The following TBC1D14 variants were observed in gnomAD, a reference collection of about 807,000 sequenced individuals.
TBC1D14 encodes the protein TBC1 domain family member 14.
In TBC1D14, 26 loss-of-function variants were observed where a neutral mutation model predicts 79.0. That is an observed-to-expected ratio of 0.33 (90% CI 0.24 to 0.46). The LOEUF is 0.46. Ranked by LOEUF, TBC1D14 falls within the 20% of genes least tolerant of loss-of-function variation. The pLI is 1.00. For synonymous variants in TBC1D14, 394 were observed against 349.9 expected (o/e 1.13, Z -1.40); for missense variants, 769 against 887.6 (o/e 0.87, Z 1.70).
At chr4:7,020,311 C>A (rs928351072) in intron 12 of TBC1D14, among the ~76,000 whole-genome samples, 2 of 152,234 alleles carry the variant, frequency 1.3e-5, no homozygotes, top group Admixed American at 1.3e-4. Flanking sequence ...CCATCTCCAA[C>A]TTTTAACAAA....
At chr4:6,950,395 C>G (rs929977194) in intron 2 of TBC1D14, among the ~76,000 whole-genome samples, 3 of 152,128 alleles carry the variant, frequency 2.0e-5, no homozygotes, top group African/African-American at 7.2e-5. Flanking sequence ...ACTCTTACAC[C>G]TTTCATTTTG....
Position 6,923,773 on chromosome 4 carries a change from C to A in TBC1D14, c.384C>A (p.Ser128=). 6.2e-7 allele frequency: 1 copy of A among 1,614,098 alleles called. No individual in the cohort carries two copies. The highest frequency in any genetic ancestry group is 8.5e-7 in the Non-Finnish European group (1 of 1,180,046). ...GGGAACAGAGCGTGCGCAAATCCTC[C>A]ACGTTTCCCAGGACAGGCTATGACT... ...TEREQSVRKS[S]TFPRTGYDSV... The change falls in exon 2 of 14, where the codon TCC becomes TCA. Residue 128 remains serine, a synonymous_variant. Transcript: ENST00000409757.
Position 6,954,575 on chromosome 4 carries a change from C to T in TBC1D14, c.723-12729C>T, listed in dbSNP as rs538751957. On this transcript the variant is annotated intron_variant, in intron 2 of 13. Transcript: ENST00000409757. ...GCTTATGTGTATCTCATGCCCACTG[C>T]ACTTCCTTGACTTGGATATTCTGTT... Among the ~76,000 whole-genome samples, 6 of 149,652 alleles carry T rather than the reference C, an allele frequency of 4.0e-5. No homozygotes were observed. The South Asian group carries it at 8.5e-4, about 21-fold the overall frequency.
chr4:6,943,034 T>C (rs1713062260), intron 2 of TBC1D14, among the ~76,000 whole-genome samples: 1 of 152,188 alleles, frequency 6.6e-6, no homozygotes, highest in Non-Finnish European at 1.5e-5. Flanking sequence ...CGGAGGTTGA[T>C]TTCCAGGCCA....
chr4:6,934,799 C>T (rs767943160), intron 2 of TBC1D14, among the ~76,000 whole-genome samples: 2 of 152,082 alleles, frequency 1.3e-5, no homozygotes, highest in African/African-American at 2.4e-5. Context: ...AGAATGGGGC[C>T]GGCATGGTGG....
At chr4:7,016,468 G>A (rs11732301) in intron 12 of TBC1D14, among the ~76,000 whole-genome samples, 50,857 of 152,144 alleles carry the variant, frequency 0.33, 8,839 homozygotes, top group African/African-American at 0.41. Flanking sequence ...GCTGGAGGAC[G>A]GGAGGGGATC....
chr4:6,958,081 A>G (rs1443117373), intron 2 of TBC1D14, among the ~76,000 whole-genome samples: 2 of 151,892 alleles, frequency 1.3e-5, no homozygotes, highest in African/African-American at 4.8e-5. Flanking sequence ...TCCTGCTCCC[A>G]GGTTCTCAGC....
intron 2 of TBC1D14, among the ~76,000 whole-genome samples, chr4:6,961,993 G>T (rs1484549589): frequency 6.6e-6 from 1 of 152,216 alleles, no homozygotes; most frequent in Non-Finnish European, 1.5e-5. Context: ...CTGGCCTCCT[G>T]ACTGCAGAGG....
At chr4:6,954,440 C>T in intron 2 of TBC1D14, 1 of 713,664 alleles carries the variant, frequency 1.4e-6, no homozygotes, top group Non-Finnish European at 2.6e-6. Context: ...GACCGTCGGC[C>T]TTGGTTGGGC....
intron 3 of TBC1D14, among the ~76,000 whole-genome samples, chr4:6,978,168 C>T (rs1314482496): frequency 2.6e-5 from 4 of 151,130 alleles, no homozygotes; most frequent in African/African-American, 4.9e-5. Flanking sequence ...AGGTGAGGGG[C>T]GCCTCTGCCC....
chr4:6,923,320 G>A, intron 1 of TBC1D14, 53 bp from the exon 2 acceptor site: 1 of 1,529,964 alleles, frequency 6.5e-7, no homozygotes, highest in Non-Finnish European at 8.8e-7. Context: ...TCAGAGGTGT[G>A]GCATCTTTGA....
chr4:6,918,801 C>T (rs1181925032), intron 1 of TBC1D14, among the ~76,000 whole-genome samples: 1 of 152,190 alleles, frequency 6.6e-6, no homozygotes, highest in Non-Finnish European at 1.5e-5. Flanking sequence ...TAGCTCTTAA[C>T]TGTGTGCTAA....
intron 13 of TBC1D14, among the ~76,000 whole-genome samples, chr4:7,027,233 T>C (rs1033184038): frequency 1.3e-5 from 2 of 151,544 alleles, no homozygotes; most frequent in African/African-American, 2.4e-5. Flanking sequence ...AAAAAGCAGG[T>C]CATTTGTCCT....
At chr4:6,987,696 G>T in intron 3 of TBC1D14, 1 of 300,664 alleles carries the variant, frequency 3.3e-6, no homozygotes, top group Non-Finnish European at 6.1e-6. Context: ...AGGCCCAGCA[G>T]CCCCCTTAGA....
rs1560244097 is a variant in TBC1D14, at chr4:6,922,066, T to TTTG, written c.-17-1305_-17-1304insGTT. On this transcript the variant is annotated intron_variant, in intron 1 of 13. Coordinates refer to ENST00000409757, the MANE Select transcript of TBC1D14 (RefSeq NM_020773.3). ...ATGGATTTTGTTTGTTTGTTTGTTT[T>TTTG]TTTAGAGATAGTGTCTTTCTCTGTT... Among the ~76,000 whole-genome samples, 12 of 151,936 alleles carry TTTG rather than the reference T, an allele frequency of 7.9e-5. No individual in the cohort carries two copies. In the South Asian group the frequency reaches 1.0e-3, roughly 13 times the overall value.
chr4:6,946,149 T>G (rs1560269663), intron 2 of TBC1D14, among the ~76,000 whole-genome samples: 1 of 152,134 alleles, frequency 6.6e-6, no homozygotes, highest in Non-Finnish European at 1.5e-5. Context: ...GGTACCTACA[T>G]TTCCGGTCAT....
chr4:6,927,439 A>C (rs1392617784), intron 2 of TBC1D14, among the ~76,000 whole-genome samples: 1 of 152,180 alleles, frequency 6.6e-6, no homozygotes, highest in Non-Finnish European at 1.5e-5. Context: ...ACTACTGTAT[A>C]AGGTTAGAGA....
intron 9 of TBC1D14, chr4:7,007,482 C>T: frequency 3.2e-6 from 4 of 1,240,728 alleles, no homozygotes; most frequent in Non-Finnish European, 3.2e-6. Flanking sequence ...TGCAGAATAC[C>T]TTTGCACCTG....
intron 13 of TBC1D14, among the ~76,000 whole-genome samples, chr4:7,026,017 G>T (rs1722336024): frequency 6.6e-6 from 1 of 152,148 alleles, no homozygotes; most frequent in Non-Finnish European, 1.5e-5. Context: ...TTCTGTACGT[G>T]CTACACCATG....
Sources: gnomAD v4.1 joint callset for allele counts (sites outside exome capture counted in the v4.1 genomes callset) on GRCh38, gnomAD v4.1.1 for gene constraint, MANE v1.5 for transcripts, NCBI Gene and HGNC (gene_info 2026-07-23, HGNC 2026-07-21) for gene names.